Variants in ANO1 observed in about 807,000 individuals in gnomAD.
ANO1 encodes the protein anoctamin-1.
ANO1 carries 59 observed loss-of-function variants against 124.0 expected under a neutral mutation model. The ratio of observed to expected loss-of-function variants is 0.48; its 90% CI spans 0.39 to 0.59. ANO1 has a LOEUF of 0.59. ANO1 is among the 20% of genes least tolerant of loss of function. The probability of loss-of-function intolerance (pLI) is 0.00; values close to 1 mark genes in which losing one functional copy is unlikely to be tolerated. For missense variants in ANO1, 1,059 were observed against 1,328.0 expected (o/e 0.80, Z 3.15); for synonymous variants, 529 against 532.0 (o/e 0.99, Z 0.08).
chr11:70,159,446 C>T (rs567703854), intron 16 of ANO1, among the ~76,000 whole-genome samples: 5 of 152,324 alleles, frequency 3.3e-5, no homozygotes, highest in East Asian at 1.9e-4. Flanking sequence ...GGGAAGTAGC[C>T]GGCTCTTTTC....
At chr11:70,040,919 T>A (rs895890641) in intron 1 of ANO1, among the ~76,000 whole-genome samples, 6 of 152,164 alleles carry the variant, frequency 3.9e-5, no homozygotes, top group Non-Finnish European at 7.3e-5. Context: ...CATCAGCAAA[T>A]GTCAAGTTGA....
chr11:69,985,951 C>T (rs1212629534), exon 1 of ANO1: 3 of 152,262 alleles, frequency 2.0e-5, no homozygotes, highest in East Asian at 1.9e-4. Context: ...CGCGGCTTCG[C>T]TCCTGCCTCT....
At chr11:70,186,609 C>A (rs899164868) in intron 25 of ANO1, among the ~76,000 whole-genome samples, 2 of 152,094 alleles carry the variant, frequency 1.3e-5, no homozygotes, top group African/African-American at 2.4e-5. Flanking sequence ...CCCAGTGGAG[C>A]GGGACCCCAG....
At chr11:70,150,214 C>A (rs2047551549) in intron 12 of ANO1, among the ~76,000 whole-genome samples, 1 of 152,196 alleles carries the variant, frequency 6.6e-6, no homozygotes, top group South Asian at 2.1e-4. Context: ...GGTGCCAAAC[C>A]CACGTTCCCT....
At chr11:70,045,012 A>T (rs955519213) in intron 1 of ANO1, among the ~76,000 whole-genome samples, 7 of 152,220 alleles carry the variant, frequency 4.6e-5, no homozygotes, top group Non-Finnish European at 8.8e-5. Flanking sequence ...TTACACTCCC[A>T]TGTTTTAGGG....
intron 1 of ANO1, among the ~76,000 whole-genome samples, chr11:70,082,635 A>T (rs1303111588): frequency 6.6e-6 from 1 of 152,240 alleles, no homozygotes; most frequent in Non-Finnish European, 1.5e-5. Context: ...TTTCTTAAGA[A>T]TACAGAAACA....
intron 1 of ANO1, among the ~76,000 whole-genome samples, chr11:70,047,231 G>A (rs1009780627): frequency 4.6e-5 from 7 of 152,010 alleles, no homozygotes; most frequent in Admixed American, 2.0e-4. Flanking sequence ...TTCATTAATT[G>A]TAACAAATAC....
At chr11:70,091,270 T>A (rs1299433132) in intron 2 of ANO1, among the ~76,000 whole-genome samples, 1 of 151,738 alleles carries the variant, frequency 6.6e-6, no homozygotes, top group Admixed American at 6.6e-5. Flanking sequence ...TCCAAGAGAG[T>A]CCAGTTGCAC....
At chr11:69,986,274 A>G in intron 1 of ANO1, 1 of 152,314 alleles carries the variant, frequency 6.6e-6, no homozygotes, top group Non-Finnish European at 1.5e-5. Flanking sequence ...GCGCACGAGG[A>G]GCAGGAGGCA....
At position 70,182,686 on chromosome 11, in the gene ANO1, G is replaced by T; in HGVS notation, c.2588G>T (p.Arg863Met). 1 of 1,572,104 alleles carries T rather than the reference G, an allele frequency of 6.4e-7. No individual in the cohort carries two copies. The highest frequency in any genetic ancestry group is 8.6e-7 in the Non-Finnish European group (1 of 1,158,580). ...CTGGGCTACGAGGTGCAGATCTGCA[G>T]GTACTGCTCTCTGCTCCCCTCTTTG... The part of the protein sequence containing the change: ...LDLGYEVQIC[R>M]YKDYREPPWS... Residue 863 changes from arginine to methionine, a missense_variant and splice_region_variant, in exon 24 of 26, where the codon AGG becomes ATG. By Grantham distance (91) the Arg-to-Met change is moderately conservative. Transcript: ENST00000355303.
At chr11:70,168,255 C>T (rs2048329728) in intron 21 of ANO1, among the ~76,000 whole-genome samples, 1 of 152,160 alleles carries the variant, frequency 6.6e-6, no homozygotes, top group Non-Finnish European at 1.5e-5. Context: ...CGCCCCAGGG[C>T]CTTTGCACGA....
intron 14 of ANO1, 58 bp downstream of exon 14, chr11:70,153,186 A>G (rs919587693): frequency 8.4e-6 from 12 of 1,427,086 alleles, no homozygotes; most frequent in South Asian, 1.2e-5. Context: ...TTCATCAACC[A>G]TGTAGACCTG....
At chr11:69,969,605 G>A in the ANO1 span, among the ~76,000 whole-genome samples, 4 of 152,218 alleles carry the variant, frequency 2.6e-5, no homozygotes, top group Non-Finnish European at 2.9e-5. Context: ...TGTGAAATGC[G>A]GCTGCCGGGT....
chr11:70,115,769 G>C (rs2045953977), intron 7 of ANO1, among the ~76,000 whole-genome samples: 1 of 152,180 alleles, frequency 6.6e-6, no homozygotes, highest in Non-Finnish European at 1.5e-5. Context: ...TGACAGTTAA[G>C]TATCATTTTG....
intron 6 of ANO1, among the ~76,000 whole-genome samples, chr11:70,109,188 A>T (rs1306929712): frequency 6.6e-6 from 1 of 152,210 alleles, no homozygotes; most frequent in East Asian, 1.9e-4. Context: ...CGGGGGACAC[A>T]GCAGGTCTGG....
At chr11:70,144,486 T>C (rs2047278394) in intron 11 of ANO1, among the ~76,000 whole-genome samples, 1 of 152,228 alleles carries the variant, frequency 6.6e-6, no homozygotes, top group Non-Finnish European at 1.5e-5. Context: ...CAGCTGCCCA[T>C]GCTCACCCTG....
chr11:70,116,648 CT>C, intron 8 of ANO1, 149 bp downstream of exon 8: 1 of 660,964 alleles, frequency 1.5e-6, no homozygotes, highest in South Asian at 1.8e-5. Context: ...CGGGTGTCCC[CT>C]CTCACCTTTT....
At chr11:70,120,419 C>T (rs1393136538) in intron 8 of ANO1, among the ~76,000 whole-genome samples, 1 of 152,124 alleles carries the variant, frequency 6.6e-6, no homozygotes. Context: ...GCTGCCTCCC[C>T]CTGCCAGGGC....
chr11:70,183,482 G>T (rs1435433167), intron 24 of ANO1, among the ~76,000 whole-genome samples: 2 of 152,192 alleles, frequency 1.3e-5, no homozygotes, highest in Non-Finnish European at 2.9e-5. Flanking sequence ...CTTGGCCTGG[G>T]TCATGTGCCA....
Sources: gnomAD v4.1 joint callset for allele counts (sites outside exome capture counted in the v4.1 genomes callset) on GRCh38, gnomAD v4.1.1 for gene constraint, MANE v1.5 for transcripts, NCBI Gene and HGNC (gene_info 2026-07-23, HGNC 2026-07-21) for gene names.